ITGB3BP: variants seen among roughly 807,000 people sequenced by gnomAD.
The protein encoded by ITGB3BP is centromere protein R.
Under a neutral mutation model 29.1 loss-of-function variants are expected in ITGB3BP, and 27 were observed. The observed-to-expected ratio is 0.93, with a 90% CI of 0.68 to 1.28. The LOEUF is 1.28. Among genes scored for constraint, ITGB3BP ranks in the 50% most tolerant of loss-of-function variants. ITGB3BP has a pLI of 0.00. For synonymous variants in ITGB3BP, 61 were observed against 61.4 expected (o/e 0.99, Z 0.03); for missense variants, 192 against 200.2 (o/e 0.96, Z 0.25).
chr1:63,460,456 A>G (rs1005334115), intron 4 of ITGB3BP, among the ~76,000 whole-genome samples: 3 of 152,206 alleles, frequency 2.0e-5, no homozygotes, highest in African/African-American at 2.4e-5. Flanking sequence ...AGATTCTTCA[A>G]TGTTGTAGCA....
intron 4 of ITGB3BP, among the ~76,000 whole-genome samples, chr1:63,456,759 G>A (rs1451770258): frequency 6.6e-6 from 1 of 152,092 alleles, no homozygotes; most frequent in Non-Finnish European, 1.5e-5. Flanking sequence ...ATTAGGTCCC[G>A]CAGGACTGCC....
At chr1:63,446,966 A>T (rs1375059899) in intron 7 of ITGB3BP, 110 bp from the exon 8 acceptor site, 1 of 776,092 alleles carries the variant, frequency 1.3e-6, no homozygotes, top group East Asian at 2.6e-5. Context: ...AACAACCTGA[A>T]GTCTTGTTTT....
At position 63,469,429 on chromosome 1, in the gene ITGB3BP, C is replaced by T. The variant is rs564162289; in HGVS notation, c.254+9335G>A. 3.9e-3 allele frequency among the ~76,000 whole-genome samples: 598 copies of T among 152,024 alleles called. 3 individuals carry two copies. The highest frequency in any genetic ancestry group is 0.013 in the African/African-American group (548 of 41,454). The stretch of plus-strand genomic sequence containing the variant: ...ACAACCTCTGCCTCCCGGGTTCAAG[C>T]AATTCTCCTGCCTCAGCCTCCCGAG... On this transcript the variant is annotated intron_variant, in intron 4 of 8. Coordinates refer to ENST00000271002, the MANE Select transcript of ITGB3BP (RefSeq NM_014288.5).
At chr1:63,520,185 A>G (rs1487839244) in intron 1 of ITGB3BP, among the ~76,000 whole-genome samples, 2 of 151,914 alleles carry the variant, frequency 1.3e-5, no homozygotes, top group African/African-American at 4.8e-5. Flanking sequence ...GTCTACATAG[A>G]ATGAAATCTT....
intron 3 of ITGB3BP, among the ~76,000 whole-genome samples, chr1:63,487,068 C>T (rs1170877467): frequency 6.6e-6 from 1 of 151,784 alleles, no homozygotes; most frequent in African/African-American, 2.4e-5. Flanking sequence ...TGTTTGTATG[C>T]ATTAGTTTTG....
intron 7 of ITGB3BP, chr1:63,452,195 TAAA>T (rs995014079): frequency 6.6e-6 from 1 of 152,108 alleles, no homozygotes; most frequent in Non-Finnish European, 1.5e-5. Flanking sequence ...AAATATAAAT[TAAA>T]AAAATTTTTC....
intron 2 of ITGB3BP, among the ~76,000 whole-genome samples, chr1:63,503,945 G>A (rs1008295297): frequency 8.0e-5 from 12 of 150,122 alleles, no homozygotes; most frequent in East Asian, 5.8e-4. Flanking sequence ...GTCAGGTAGC[G>A]TGATGCCTCT....
At chr1:63,512,216 T>G (rs1646214899) in intron 1 of ITGB3BP, among the ~76,000 whole-genome samples, 1 of 152,092 alleles carries the variant, frequency 6.6e-6, no homozygotes, top group Non-Finnish European at 1.5e-5. Flanking sequence ...ACATGCAATT[T>G]TATAGAGAGA....
At chr1:63,448,474 G>A (rs76225126) in intron 7 of ITGB3BP, among the ~76,000 whole-genome samples, 3,050 of 152,146 alleles carry the variant, frequency 0.02, 46 homozygotes, top group Middle Eastern at 0.051. Context: ...TCTGAGGTCT[G>A]AACTGGAGGA....
chr1:63,463,123 C>T (rs555869174), intron 4 of ITGB3BP, among the ~76,000 whole-genome samples: 1 of 151,906 alleles, frequency 6.6e-6, no homozygotes, highest in Non-Finnish European at 1.5e-5. Flanking sequence ...GTGGCGTGCA[C>T]CTATAATCCC....
chr1:63,489,904 A>T (rs1645609832), intron 3 of ITGB3BP, among the ~76,000 whole-genome samples, 179 bp downstream of exon 3: 1 of 152,140 alleles, frequency 6.6e-6, no homozygotes, highest in Admixed American at 6.6e-5. Context: ...GTTGCATTTT[A>T]AAATAAGTGC....
chr1:63,447,450 A>T lies in ITGB3BP; in HGVS notation c.485-594T>A, dbSNP rs140566808. ...AAGACTTTTTGTTTGTCTGCCAAAGAGGAGCCCAGAAAGAGTCCTGTAACC... is the reference window on the plus strand; with the variant it reads ...AAGACTTTTTGTTTGTCTGCCAAAGTGGAGCCCAGAAAGAGTCCTGTAACC... On this transcript the variant is annotated intron_variant, in intron 7 of 8. Transcript: ENST00000271002. 3.3e-3 allele frequency: 1,326 copies of T among 405,982 alleles called. 9 individuals are homozygous for T. The highest frequency in any genetic ancestry group is 0.025 in the African/African-American group (1,217 of 48,016). 25.1% of individuals were successfully genotyped at this position (405,982 alleles called of 1,614,324 possible).
intron 3 of ITGB3BP, among the ~76,000 whole-genome samples, chr1:63,484,226 A>G (rs1219487014): frequency 6.6e-6 from 1 of 152,150 alleles, no homozygotes; most frequent in Non-Finnish European, 1.5e-5. Context: ...TAGGTATATA[A>G]GTAATCCTGA....
upstream of ITGB3BP, among the ~76,000 whole-genome samples, chr1:63,526,071 G>A (rs1351823540): frequency 7.2e-5 from 11 of 151,904 alleles, no homozygotes; most frequent in Admixed American, 4.6e-4. Context: ...AACGCTTTTG[G>A]CCTCTTAAGT....
At position 63,490,174 on chromosome 1, in the gene ITGB3BP, A is replaced by C; in HGVS notation, c.93T>G (p.Thr31=). The change falls in exon 3 of 9, where the codon ACT becomes ACG. Residue 31 remains threonine (T), a synonymous_variant. Transcript: ENST00000271002. Reference sequence around the variant, plus strand: ...GACAAGTTCCAGTTGTTGGAGAATAAGTTATAACACTTTTCTTCCTTGTGA... The same window carrying C: ...GACAAGTTCCAGTTGTTGGAGAATACGTTATAACACTTTTCTTCCTTGTGA... The part of the protein sequence containing the change: ...SKITRKKSVI[T]YSPTTGTCQM... 1 of 1,594,740 alleles carries C rather than the reference A, an allele frequency of 6.3e-7. No individual in the cohort carries two copies. Among genetic ancestry groups the C allele is most frequent in the Non-Finnish European group, 8.6e-7 (1 of 1,163,484 alleles).
intron 4 of ITGB3BP, among the ~76,000 whole-genome samples, chr1:63,459,022 C>A (rs1028772249): frequency 2.6e-5 from 4 of 151,954 alleles, no homozygotes; most frequent in African/African-American, 9.7e-5. Context: ...TCACATGTAA[C>A]CCTGGATGTC....
intron 8 of ITGB3BP, among the ~76,000 whole-genome samples, chr1:63,443,943 G>A (rs1644759200): frequency 6.6e-6 from 1 of 152,046 alleles, no homozygotes; most frequent in Non-Finnish European, 1.5e-5. Context: ...ATAATAATTT[G>A]GAAACCATAT....
intron 4 of ITGB3BP, among the ~76,000 whole-genome samples, chr1:63,473,734 G>A (rs1645263612): frequency 3.1e-5 from 1 of 31,812 alleles, no homozygotes; most frequent in Non-Finnish European, 6.9e-5. Flanking sequence ...CTGCCCGGCC[G>A]CCCCTACTGG....
At chr1:63,467,284 G>T (rs1645114406) in intron 4 of ITGB3BP, among the ~76,000 whole-genome samples, 2 of 152,030 alleles carry the variant, frequency 1.3e-5, no homozygotes, top group South Asian at 4.2e-4. Flanking sequence ...TAGATTATTT[G>T]TTCTAACTGG....
Sources: allele counts gnomAD v4.1 joint callset (sites outside exome capture counted in the v4.1 genomes callset), GRCh38; gene constraint gnomAD v4.1.1; transcripts MANE v1.5; gene names NCBI Gene and HGNC (gene_info 2026-07-23, HGNC 2026-07-21).